AFG1L: variants seen among roughly 807,000 people sequenced by gnomAD.
The protein encoded by AFG1L is AFG1-like ATPase.
Under a neutral mutation model 62.2 loss-of-function variants are expected in AFG1L, and 53 were observed. The ratio of observed to expected loss-of-function variants is 0.85; its 90% CI spans 0.68 to 1.07. AFG1L has a LOEUF of 1.07. Ranked by LOEUF, AFG1L falls within the 50% of genes least tolerant of loss-of-function variation. The pLI is 0.00. For missense variants in AFG1L, 555 were observed against 590.5 expected (o/e 0.94, Z 0.62); for synonymous variants, 228 against 210.3 (o/e 1.08, Z -0.73).
At chr6:108,462,895 C>A (rs1421686947) in intron 8 of AFG1L, among the ~76,000 whole-genome samples, 1 of 152,144 alleles carries the variant, frequency 6.6e-6, no homozygotes, top group Non-Finnish European at 1.5e-5. Flanking sequence ...CCAAATAGAT[C>A]ACAGTTATAA....
intron 6 of AFG1L, among the ~76,000 whole-genome samples, chr6:108,396,631 C>T (rs1268171431): frequency 2.6e-5 from 4 of 152,044 alleles, no homozygotes; most frequent in Admixed American, 1.3e-4. Context: ...ACTGGGATTA[C>T]AGGTACTCGC....
intron 7 of AFG1L, among the ~76,000 whole-genome samples, chr6:108,411,815 C>T (rs1043641891): frequency 9.2e-5 from 14 of 152,196 alleles, no homozygotes; most frequent in African/African-American, 3.4e-4. Context: ...GAAACCAGAG[C>T]AGAGAAGCTG....
At chr6:108,429,318 C>T (rs948431494) in intron 7 of AFG1L, among the ~76,000 whole-genome samples, 6 of 152,092 alleles carry the variant, frequency 3.9e-5, no homozygotes, top group South Asian at 2.1e-4. Context: ...TGGCTGAAGG[C>T]GAATGACGAG....
At chr6:108,502,630 A>G (rs562169840) in intron 10 of AFG1L, among the ~76,000 whole-genome samples, 8 of 152,154 alleles carry the variant, frequency 5.3e-5, no homozygotes, top group African/African-American at 1.9e-4. Context: ...ATGAACCACC[A>G]TACCCAACCT....
At chr6:108,320,983 G>C (rs1453045869) in intron 1 of AFG1L, among the ~76,000 whole-genome samples, 1 of 152,182 alleles carries the variant, frequency 6.6e-6, no homozygotes, top group Non-Finnish European at 1.5e-5. Context: ...GGGTGGAGAA[G>C]AGCGTTTTTC....
At chr6:108,431,102 A>G (rs1186198377) in intron 7 of AFG1L, among the ~76,000 whole-genome samples, 4 of 120,788 alleles carry the variant, frequency 3.3e-5, no homozygotes, top group Middle Eastern at 4.5e-3. Context: ...TTTATTCTTT[A>G]TAATTTCTTT....
At chr6:108,323,794 A>G (rs775989412) in intron 1 of AFG1L, 31 bp from the exon 2 acceptor site, 6 of 1,524,106 alleles carry the variant, frequency 3.9e-6, no homozygotes, top group Non-Finnish European at 5.4e-6. Flanking sequence ...TGTATTTAAG[A>G]AAGTCTAAAA....
At position 108,522,584 on chromosome 6, in the gene AFG1L, T is replaced by A; in HGVS notation, c.*159T>A. 1 of 664,164 alleles carries A rather than the reference T, an allele frequency of 1.5e-6. No homozygotes were observed. The highest frequency in any genetic ancestry group is 2.3e-6 in the Non-Finnish European group (1 of 429,772). 41.1% of individuals were successfully genotyped at this position (664,164 alleles called of 1,614,324 possible). A position where few individuals can be genotyped will look rare whatever the true frequency, so the allele number is the denominator to read the frequency against. On this transcript the variant is annotated 3_prime_UTR_variant, in exon 13 of 13. Transcript: ENST00000368977. ...TGCTCTCAAGGATCTAGTGGATTAG[T>A]AAGTTAAACACTTAACATTTTTTAG...
intron 8 of AFG1L, among the ~76,000 whole-genome samples, chr6:108,460,748 G>A (rs1772426366): frequency 6.6e-6 from 1 of 152,154 alleles, no homozygotes; most frequent in Non-Finnish European, 1.5e-5. Context: ...ATGAGGTCAG[G>A]AGATTGAGAC....
chr6:108,425,445 C>A (rs556971019), intron 7 of AFG1L, among the ~76,000 whole-genome samples: 1 of 151,474 alleles, frequency 6.6e-6, no homozygotes, highest in South Asian at 2.1e-4. Flanking sequence ...TGTGTATACT[C>A]ACAGAATTTG....
intron 10 of AFG1L, among the ~76,000 whole-genome samples, chr6:108,483,926 G>T (rs1170665147): frequency 6.6e-6 from 1 of 152,150 alleles, no homozygotes. Context: ...TTCGGGAGCT[G>T]TTAAGTGACA....
chr6:108,426,254 A>G (rs558672398), intron 7 of AFG1L, among the ~76,000 whole-genome samples: 1 of 151,904 alleles, frequency 6.6e-6, no homozygotes, highest in Non-Finnish European at 1.5e-5. Flanking sequence ...ATGCTTACCT[A>G]TGATTATTTA....
chr6:108,454,777 C>G (rs903912904), intron 8 of AFG1L, among the ~76,000 whole-genome samples: 7 of 152,098 alleles, frequency 4.6e-5, no homozygotes, highest in Non-Finnish European at 8.8e-5. Flanking sequence ...CTCAGCCTAC[C>G]GAGTAGCTGG....
intron 10 of AFG1L, among the ~76,000 whole-genome samples, chr6:108,509,859 T>C (rs903408174): frequency 6.6e-6 from 1 of 152,220 alleles, no homozygotes; most frequent in Non-Finnish European, 1.5e-5. Context: ...GCTCTGAGGG[T>C]ACACTACTTT....
chr6:108,404,539 G>A (rs1267385894), intron 7 of AFG1L, among the ~76,000 whole-genome samples: 1 of 151,794 alleles, frequency 6.6e-6, no homozygotes, highest in Non-Finnish European at 1.5e-5. Context: ...TATTGTGTAG[G>A]TTTGTTAATT....
At position 108,319,803 on chromosome 6, in the gene AFG1L, T is replaced by G. The variant is rs564417571; in HGVS notation, c.140-4022T>G. ...CTTTAAAAAATTAGGTATTATTTAT[T>G]TATTTATTTATTTTGAGACATAAGT... is the stretch of plus-strand genomic sequence containing the variant. On this transcript the variant is annotated intron_variant, in intron 1 of 12. Coordinates refer to ENST00000368977, the MANE Select transcript of AFG1L (RefSeq NM_145315.5). 91 of 436,020 alleles carry G rather than the reference T, an allele frequency of 2.1e-4. 1 individual carries two copies. Among genetic ancestry groups the G allele is most frequent in the African/African-American group, 1.8e-3 (88 of 49,562 alleles). The allele number at this position is 436,020 out of a possible 1,614,324, so 27.0% of individuals were successfully genotyped here. A position where few individuals can be genotyped will look rare whatever the true frequency, so the allele number is the denominator to read the frequency against.
intron 8 of AFG1L, among the ~76,000 whole-genome samples, chr6:108,463,416 T>C (rs1390912901): frequency 1.3e-5 from 2 of 151,784 alleles, no homozygotes; most frequent in African/African-American, 2.4e-5. Flanking sequence ...CTCCTTTTTT[T>C]TTTTTTTTGA....
chr6:108,340,748 T>C (rs1778650741), intron 2 of AFG1L, among the ~76,000 whole-genome samples: 1 of 152,008 alleles, frequency 6.6e-6, no homozygotes, highest in Non-Finnish European at 1.5e-5. Flanking sequence ...CAAACACTGA[T>C]AGAAGGTTGG....
chr6:108,492,482 A>G (rs1223393220), intron 10 of AFG1L, among the ~76,000 whole-genome samples: 2 of 152,232 alleles, frequency 1.3e-5, no homozygotes, highest in African/African-American at 4.8e-5. Flanking sequence ...AAGAGAATAC[A>G]AAAGTGGTGG....
Sources: gnomAD v4.1 joint callset for allele counts (sites outside exome capture counted in the v4.1 genomes callset) on GRCh38, gnomAD v4.1.1 for gene constraint, MANE v1.5 for transcripts, NCBI Gene and HGNC (gene_info 2026-07-23, HGNC 2026-07-21) for gene names.